EPHA5: variants seen among roughly 807,000 people sequenced by gnomAD.
EPHA5 encodes the protein ephrin type-A receptor 5.
Under a neutral mutation model 105.0 loss-of-function variants are expected in EPHA5, and 60 were observed. The ratio of observed to expected loss-of-function variants is 0.57; its 90% confidence interval spans 0.46 to 0.71. The LOEUF (loss-of-function observed/expected upper bound fraction) is 0.71. Among genes scored for constraint, EPHA5 ranks in the 30% least tolerant of loss-of-function variants. EPHA5 has a pLI of 0.00. For missense variants in EPHA5, 1,218 were observed against 1,274.7 expected, an observed-to-expected ratio of 0.96 and a Z score of 0.68; for synonymous variants, 513 against 449.1, an observed-to-expected ratio of 1.14 and a Z score of -1.80.
chr4:65,619,622 C>T (rs188467299), intron 2 of EPHA5, among the ~76,000 whole-genome samples: 60 of 152,044 alleles, frequency 3.9e-4, no homozygotes, highest in Admixed American at 1.6e-3. Flanking sequence ...TCTCTTTAAA[C>T]CATCTTAACT....
chr4:65,527,278 T>G (rs1735325008), intron 3 of EPHA5, among the ~76,000 whole-genome samples: 1 of 152,078 alleles, frequency 6.6e-6, no homozygotes, highest in African/African-American at 2.4e-5. Context: ...TGCAATGAAA[T>G]TAAATTAGTT....
At chr4:65,628,727 TTAAC>T (rs1397167885) in intron 2 of EPHA5, among the ~76,000 whole-genome samples, 5 of 152,202 alleles carry the variant, frequency 3.3e-5, no homozygotes, top group Non-Finnish European at 7.4e-5. Flanking sequence ...GGTTATGTCT[TTAAC>T]TGTGCAGATT....
At chr4:65,657,650 A>C in intron 1 of EPHA5, among the ~76,000 whole-genome samples, 1 of 152,162 alleles carries the variant, frequency 6.6e-6, no homozygotes, top group East Asian at 1.9e-4. Flanking sequence ...TCTATTGGTT[A>C]TGGATTTATG....
intron 3 of EPHA5, among the ~76,000 whole-genome samples, chr4:65,521,133 C>T (rs1734668409): frequency 6.6e-6 from 1 of 152,118 alleles, no homozygotes; most frequent in African/African-American, 2.4e-5. Flanking sequence ...CCCAAATGTC[C>T]ATCAATGATA....
Position 65,595,434 on chromosome 4 carries a change from G to C in EPHA5, c.910+6207C>G, listed in dbSNP as rs61405285. On this transcript the variant is annotated intron_variant, in intron 3 of 16. Transcript: ENST00000613740. ...AAGGAAGTTCTATAAAACGTACATA[G>C]TTTTATTTACCCATTGGAAAAAATG... Among the ~76,000 whole-genome samples, 108 of 151,950 alleles carry C rather than the reference G, an allele frequency of 7.1e-4. 1 individual carries two copies. The highest frequency in any genetic ancestry group is 2.6e-3 in the African/African-American group (106 of 41,416).
In EPHA5 at chr4:65,527,272, A is replaced by G. The variant is rs1735324307; in HGVS notation, c.911-31729T>C. ...ACCTATAATAGAATACTACATTGCA[A>G]TGAAATTAAATTAGTTCTACATTCA... On this transcript the variant is annotated intron_variant, in intron 3 of 16. Transcript: ENST00000613740. Among the ~76,000 whole-genome samples the G allele has an allele frequency of 3.9e-5, 6 of 152,154 alleles. No individual in the cohort carries two copies. The South Asian group carries it at 1.2e-3, about 31-fold the overall frequency.
At chr4:65,649,825 C>A (rs1404552875) in intron 1 of EPHA5, among the ~76,000 whole-genome samples, 1 of 152,146 alleles carries the variant, frequency 6.6e-6, no homozygotes, top group Non-Finnish European at 1.5e-5. Context: ...GACAAACAAT[C>A]TCACTTTTCA....
rs1164513120 is a variant in EPHA5 at position 65,320,871 on chromosome 4, A to G, written c.*3243T>C. 4.3e-6 allele frequency: 1 copy of G among 230,242 alleles called. No homozygotes were observed. Among genetic ancestry groups the G allele is most frequent in the Non-Finnish European group, 8.6e-6 (1 of 116,166 alleles). 14.3% of individuals were successfully genotyped at this position (230,242 alleles called of 1,614,324 possible). ...CACTTAAGTTTAGATAAAATATTGG[A>G]ATATAATTTTTACAGTAATCTTACA... On this transcript the variant is annotated 3_prime_UTR_variant, in exon 17 of 17. Transcript: ENST00000613740.
intron 5 of EPHA5, among the ~76,000 whole-genome samples, chr4:65,442,218 G>A (rs1421345178): frequency 1.3e-5 from 2 of 152,020 alleles, no homozygotes; most frequent in Non-Finnish European, 2.9e-5. Context: ...GAGGTAATGA[G>A]GCTTCAGTGA....
intron 3 of EPHA5, among the ~76,000 whole-genome samples, chr4:65,515,959 G>A (rs1734068616): frequency 6.6e-6 from 1 of 152,140 alleles, no homozygotes; most frequent in Non-Finnish European, 1.5e-5. Flanking sequence ...GGACATCAGA[G>A]CTCTTTGTTC....
chr4:65,517,865 A>G (rs1734259625), intron 3 of EPHA5, among the ~76,000 whole-genome samples: 1 of 152,014 alleles, frequency 6.6e-6, no homozygotes, highest in Non-Finnish European at 1.5e-5. Flanking sequence ...AAACTAGACA[A>G]CATTCTATAT....
At chr4:65,369,849 C>T (rs1181313634) in intron 8 of EPHA5, among the ~76,000 whole-genome samples, 4 of 152,070 alleles carry the variant, frequency 2.6e-5, no homozygotes, top group Admixed American at 6.6e-5. Flanking sequence ...CACCTGTAAT[C>T]CCAGCTGCTT....
At chr4:65,589,641 G>A (rs185961216) in intron 3 of EPHA5, among the ~76,000 whole-genome samples, 1 of 152,044 alleles carries the variant, frequency 6.6e-6, no homozygotes, top group East Asian at 1.9e-4. Flanking sequence ...AACCAAGAGA[G>A]CAAACACAGA....
At chr4:65,576,004 A>AG (rs1560720622) in intron 3 of EPHA5, among the ~76,000 whole-genome samples, 16 of 62,498 alleles carry the variant, frequency 2.6e-4, no homozygotes, top group South Asian at 2.0e-3. Flanking sequence ...GAGAGAGAGA[A>AG]AGAAAGAAAG....
At chr4:65,525,052 T>C (rs141698635) in intron 3 of EPHA5, among the ~76,000 whole-genome samples, 397 of 151,912 alleles carry the variant, frequency 2.6e-3, no homozygotes, top group African/African-American at 9.0e-3. Context: ...TTAAATTTCA[T>C]GTATAGTCTT....
chr4:65,531,035 TTTTTTA>T (rs879704274), intron 3 of EPHA5, among the ~76,000 whole-genome samples: 39,386 of 147,864 alleles, frequency 0.27, 5,438 homozygotes, highest in Middle Eastern at 0.33. Flanking sequence ...TTTTTTTTAT[TTTTTTA>T]TTTTTTTGAG....
At chr4:65,570,786 A>T (rs1308250433) in intron 3 of EPHA5, among the ~76,000 whole-genome samples, 7 of 152,004 alleles carry the variant, frequency 4.6e-5, no homozygotes, top group Admixed American at 4.6e-4. Flanking sequence ...TCAGTCTGTG[A>T]CTATACAATA....
chr4:65,597,173 C>T (rs1743276057), intron 3 of EPHA5, among the ~76,000 whole-genome samples: 1 of 152,178 alleles, frequency 6.6e-6, no homozygotes, highest in Non-Finnish European at 1.5e-5. Context: ...ACCTTCTTCA[C>T]TCTGACTGGT....
intron 3 of EPHA5, among the ~76,000 whole-genome samples, chr4:65,547,298 G>A (rs1464635983): frequency 5.7e-5 from 8 of 139,434 alleles, no homozygotes; most frequent in South Asian, 2.3e-4. Context: ...AAGCCAAGTG[G>A]AAAAAAAAAA....
Sources: allele counts gnomAD v4.1 joint callset (sites outside exome capture counted in the v4.1 genomes callset), GRCh38; gene constraint gnomAD v4.1.1; transcripts MANE v1.5; gene names NCBI Gene and HGNC (gene_info 2026-07-23, HGNC 2026-07-21).